SLC2A13: variants seen among roughly 807,000 people sequenced by gnomAD.
The protein encoded by SLC2A13 is proton myo-inositol cotransporter.
SLC2A13 carries 32 observed loss-of-function variants against 64.4 expected under a neutral mutation model. That is an observed-to-expected ratio of 0.50 (90% confidence interval 0.37 to 0.67). SLC2A13 has a LOEUF of 0.67. Ranked by LOEUF, SLC2A13 falls within the 30% of genes least tolerant of loss-of-function variation. SLC2A13 has a pLI of 0.00. For missense variants in SLC2A13, 743 were observed against 829.2 expected, an observed-to-expected ratio of 0.90 and a Z score of 1.28; for synonymous variants, 338 against 327.1, an observed-to-expected ratio of 1.03 and a Z score of -0.36.
At chr12:39,846,806 A>G (rs538235457) in intron 6 of SLC2A13, among the ~76,000 whole-genome samples, 1 of 152,282 alleles carries the variant, frequency 6.6e-6, no homozygotes, top group South Asian at 2.1e-4. Flanking sequence ...AAATAATAGC[A>G]TCTATCTCAG....
chr12:39,889,765 C>T (rs987751519), intron 4 of SLC2A13, among the ~76,000 whole-genome samples: 2 of 151,964 alleles, frequency 1.3e-5, no homozygotes, highest in African/African-American at 4.8e-5. Flanking sequence ...TTCTTGACCT[C>T]GTGATCTGCC....
At chr12:40,076,082 A>G (rs1050966783) in intron 1 of SLC2A13, among the ~76,000 whole-genome samples, 1 of 152,164 alleles carries the variant, frequency 6.6e-6, no homozygotes, top group African/African-American at 2.4e-5. Context: ...TTCCCTTAGC[A>G]ACTTGTCAGA....
intron 4 of SLC2A13, among the ~76,000 whole-genome samples, chr12:39,891,580 T>C (rs1184760047): frequency 6.6e-6 from 1 of 152,178 alleles, no homozygotes; most frequent in Non-Finnish European, 1.5e-5. Context: ...AGTTCGACAG[T>C]GAAGATTAAG....
At chr12:39,910,523 G>T (rs1945405840) in intron 4 of SLC2A13, among the ~76,000 whole-genome samples, 1 of 151,934 alleles carries the variant, frequency 6.6e-6, no homozygotes, top group Admixed American at 6.6e-5. Context: ...AATACTAATG[G>T]GCTTGCCTCC....
intron 7 of SLC2A13, among the ~76,000 whole-genome samples, chr12:39,814,422 T>G (rs577468483): frequency 1.6e-4 from 24 of 152,316 alleles, no homozygotes; most frequent in African/African-American, 5.8e-4. Flanking sequence ...ACAAGAAGGC[T>G]TTAGCTGATC....
chr12:39,796,857 A>G (rs1002636298), intron 7 of SLC2A13, among the ~76,000 whole-genome samples: 2 of 152,134 alleles, frequency 1.3e-5, no homozygotes, highest in African/African-American at 4.8e-5. Flanking sequence ...ACATTTATGC[A>G]CCTTTGACTT....
chr12:39,997,332 T>C (rs1053918310), intron 3 of SLC2A13, among the ~76,000 whole-genome samples: 9 of 152,164 alleles, frequency 5.9e-5, no homozygotes, highest in Admixed American at 5.2e-4. Flanking sequence ...TGGCTAGCCA[T>C]GTGTAAGAGA....
intron 6 of SLC2A13, among the ~76,000 whole-genome samples, chr12:39,856,998 G>A (rs1353825294): frequency 1.3e-5 from 2 of 152,128 alleles, no homozygotes; most frequent in African/African-American, 2.4e-5. Flanking sequence ...TATTTCATTT[G>A]TTTATGCAGA....
At chr12:39,859,332 TGAA>T (rs1438328773) in intron 6 of SLC2A13, among the ~76,000 whole-genome samples, 10 of 72,302 alleles carry the variant, frequency 1.4e-4, no homozygotes, top group African/African-American at 2.6e-4. Context: ...TTTTTTTTTC[TGAA>T]AAAAAAAAAA....
At chr12:40,030,518 T>A (rs1296013749) in intron 2 of SLC2A13, among the ~76,000 whole-genome samples, 1 of 151,974 alleles carries the variant, frequency 6.6e-6, no homozygotes, top group African/African-American at 2.4e-5. Flanking sequence ...AAAGCCTTTA[T>A]GTTTCATTTA....
At chr12:39,895,783 TACGTACACAC>T (rs1210957539) in intron 4 of SLC2A13, among the ~76,000 whole-genome samples, 4,579 of 93,004 alleles carry the variant, frequency 0.049, 1,773 homozygotes, top group African/African-American at 0.062. Context: ...TATGCGTGTA[TACGTACACAC>T]ATGTATATGC....
At chr12:39,901,277 A>G (rs1015014905) in intron 4 of SLC2A13, among the ~76,000 whole-genome samples, 62 of 152,346 alleles carry the variant, frequency 4.1e-4, no homozygotes, top group Non-Finnish European at 7.9e-4. Flanking sequence ...GGACATAGGC[A>G]TGGGCAAGGA....
At chr12:40,000,972 A>C (rs1406348058) in intron 3 of SLC2A13, among the ~76,000 whole-genome samples, 1 of 152,228 alleles carries the variant, frequency 6.6e-6, no homozygotes, top group Non-Finnish European at 1.5e-5. Context: ...GCTGCAATGC[A>C]TTCCCCAATG....
rs1939263797 is a variant in SLC2A13 at position 40,105,135 on chromosome 12, G to T, written c.556+118C>A. On this transcript the variant is annotated intron_variant, in intron 1 of 9. Coordinates refer to ENST00000280871, the MANE Select transcript of SLC2A13 (RefSeq NM_052885.4). The surrounding 1 kb of genome is among the most constrained non-coding windows in gnomAD (Gnocchi z 4.2). ...GGGCTCTGGAGGCCAGAGAAGTGGA[G>T]GATTCTCTGACCCTGGGAGACCAGA... 2.1e-6 allele frequency: 3 copies of T among 1,406,244 alleles called. No individual in the cohort carries two copies. Among genetic ancestry groups the T allele is most frequent in the East Asian group, 5.6e-5 (2 of 35,426 alleles). The allele number at this position is 1,406,244 out of a possible 1,614,324, so 87.1% of individuals were successfully genotyped here. A position where few individuals can be genotyped will look rare whatever the true frequency, so the allele number is the denominator to read the frequency against.
intron 6 of SLC2A13, among the ~76,000 whole-genome samples, chr12:39,830,948 A>C (rs2135849927): frequency 6.6e-6 from 1 of 152,334 alleles, no homozygotes; most frequent in South Asian, 2.1e-4. Context: ...ATTTGACAGC[A>C]GTATTCTAAC....
intron 4 of SLC2A13, 46 bp from the exon 5 acceptor site, chr12:39,872,007 G>T (rs769462182): frequency 5.6e-6 from 8 of 1,431,966 alleles, no homozygotes; most frequent in Non-Finnish European, 2.8e-6. Flanking sequence ...GTTACCCAAA[G>T]AAACAGGGTT....
chr12:40,033,618 T>C (rs796145971), intron 2 of SLC2A13, among the ~76,000 whole-genome samples: 2 of 152,378 alleles, frequency 1.3e-5, no homozygotes, highest in African/African-American at 2.4e-5. Context: ...AGCTGACTAC[T>C]AGTTAAAATA....
chr12:39,987,282 G>A (rs1947048094), intron 3 of SLC2A13, among the ~76,000 whole-genome samples: 1 of 152,122 alleles, frequency 6.6e-6, no homozygotes, highest in Non-Finnish European at 1.5e-5. Context: ...AAAATAATGA[G>A]GTAAGTGCTG....
chr12:39,766,709 C>A (rs985380631), intron 7 of SLC2A13, among the ~76,000 whole-genome samples: 2 of 152,076 alleles, frequency 1.3e-5, no homozygotes, highest in African/African-American at 2.4e-5. Context: ...ACTGTAAATC[C>A]TTTGATATCA....
Sources: gnomAD v4.1 joint callset for allele counts (sites outside exome capture counted in the v4.1 genomes callset) on GRCh38, gnomAD v4.1.1 for gene constraint, Gnocchi (gnomAD v3.1) non-coding constraint, MANE v1.5 for transcripts, NCBI Gene and HGNC (gene_info 2026-07-23, HGNC 2026-07-21) for gene names.